Variants in TFCP2L1 observed in about 807,000 individuals in gnomAD.
TFCP2L1 encodes transcription factor CP2 like 1, also known as transcription factor CP2-like protein 1.
TFCP2L1 carries 12 observed loss-of-function variants against 72.2 expected under a neutral mutation model. That is an observed-to-expected ratio of 0.17 (90% CI 0.11 to 0.27). The LOEUF (loss-of-function observed/expected upper bound fraction) is 0.27. Among genes scored for constraint, TFCP2L1 ranks in the 10% least tolerant of loss-of-function variants. The probability of loss-of-function intolerance (pLI) is 1.00; values close to 1 mark genes in which losing one functional copy is unlikely to be tolerated. For missense variants in TFCP2L1, 488 were observed against 624.6 expected, an observed-to-expected ratio of 0.78 and a Z score of 2.33; for synonymous variants, 260 against 251.0, an observed-to-expected ratio of 1.04 and a Z score of -0.34.
intron 6 of TFCP2L1, among the ~76,000 whole-genome samples, chr2:121,246,482 G>A (rs1333090564): frequency 1.5e-5 from 2 of 129,306 alleles, no homozygotes; most frequent in East Asian, 2.1e-4. Context: ...ACTGTAATGT[G>A]CTTGGGAGAA....
At chr2:121,241,395 G>A (rs1277041353) in intron 7 of TFCP2L1, among the ~76,000 whole-genome samples, 2 of 152,188 alleles carry the variant, frequency 1.3e-5, no homozygotes, top group Non-Finnish European at 2.9e-5. Flanking sequence ...ACTGGGGGAG[G>A]CCGAGGCAGG....
Position 121,240,081 on chromosome 2 carries a change from G to GT in TFCP2L1, c.769-433dup, listed in dbSNP as rs1686336468. ...CAACTTCCAAACAAAAAAATAAGCA[G>GT]TAAGAGTCAGTATTAAAACCTGTGC... On this transcript the variant is annotated intron_variant, in intron 7 of 14. Coordinates refer to ENST00000263707, the MANE Select transcript of TFCP2L1 (RefSeq NM_014553.3). 5.6e-5 allele frequency: 55 copies of GT among 985,328 alleles called. 1 individual carries two copies. The highest frequency in any genetic ancestry group is 6.6e-5 in the Non-Finnish European group (55 of 829,928). 61.0% of individuals were successfully genotyped at this position (985,328 alleles called of 1,614,324 possible). A position where few individuals can be genotyped will look rare whatever the true frequency, so the allele number is the denominator to read the frequency against.
rs561572955 is a variant in TFCP2L1, at chr2:121,269,031, T to A, written c.214+12089A>T. ...AAGATTAGGGAAAGGCTTTTTTTTT[T>A]ATTAAAAAAAAGATGGATATCAATA... On this transcript the variant is annotated intron_variant, in intron 2 of 14. Coordinates refer to ENST00000263707, the MANE Select transcript of TFCP2L1 (RefSeq NM_014553.3). 6.0e-3 allele frequency among the ~76,000 whole-genome samples: 918 copies of A among 151,760 alleles called. 9 individuals are homozygous for A. Among genetic ancestry groups the A allele is most frequent in the African/African-American group, 0.021 (863 of 41,348 alleles).
chr2:121,225,625 AAG>A lies in TFCP2L1; in HGVS notation c.1342-14_1342-13del. 1 of 1,613,942 alleles carries A rather than the reference AAG, an allele frequency of 6.2e-7. No individual in the cohort carries two copies. The highest frequency in any genetic ancestry group is 1.1e-5 in the South Asian group (1 of 91,074). ...AAGTTCTGCACCATCTGAGAGACAA[AAG>A]AGAGAACATGTTCCTTCAACCACGA... On this transcript the variant is annotated splice_polypyrimidine_tract_variant and intron_variant, in intron 13 of 14. Coordinates refer to ENST00000263707, the MANE Select transcript of TFCP2L1 (RefSeq NM_014553.3).
chr2:121,239,282 C>T (rs956751372), intron 8 of TFCP2L1, among the ~76,000 whole-genome samples: 1 of 152,196 alleles, frequency 6.6e-6, no homozygotes, highest in African/African-American at 2.4e-5. Flanking sequence ...CCAGAGGGCA[C>T]CAGAGGCTGT....
chr2:121,283,927 T>A (rs1687313294), intron 1 of TFCP2L1, among the ~76,000 whole-genome samples: 1 of 152,216 alleles, frequency 6.6e-6, no homozygotes, highest in Non-Finnish European at 1.5e-5. Flanking sequence ...CCTTTAAGGC[T>A]CTAGACCTTT....
intron 5 of TFCP2L1, among the ~76,000 whole-genome samples, chr2:121,247,337 C>CT (rs1472139578): frequency 6.6e-6 from 1 of 152,114 alleles, no homozygotes; most frequent in Non-Finnish European, 1.5e-5. Flanking sequence ...GCCCTAACCC[C>CT]TCTCTAATGT....
intron 1 of TFCP2L1, among the ~76,000 whole-genome samples, chr2:121,282,105 G>C (rs531138922): frequency 6.6e-6 from 1 of 151,912 alleles, no homozygotes; most frequent in Non-Finnish European, 1.5e-5. Flanking sequence ...GCTAATTTTT[G>C]TATTTTTAGT....
intron 2 of TFCP2L1, among the ~76,000 whole-genome samples, chr2:121,252,980 C>A (rs1485968866): frequency 6.6e-6 from 1 of 152,194 alleles, no homozygotes; most frequent in African/African-American, 2.4e-5. Flanking sequence ...GGCAACACAG[C>A]GAGCTGCTGT....
In TFCP2L1 at chr2:121,239,564, C is replaced by G; in HGVS notation, c.854G>C (p.Gly285Ala). The change falls in exon 8 of 15, where the codon GGC (glycine) becomes GCC (alanine). Residue 285 changes from glycine (G) to alanine (A), a missense_variant. Around this residue, in one of 3 missense-constraint regions of TFCP2L1, gnomAD observed 286 missense variants for 329.0 expected, o/e 0.87. Coordinates refer to ENST00000263707, the MANE Select transcript of TFCP2L1 (RefSeq NM_014553.3). Reference protein sequence around the residue: ...YNGSPNSFGLGEGNASPTHPV... With the variant: ...YNGSPNSFGLAEGNASPTHPV... ...AAAGAGAGGTGGGACGTACCCTTCG[C>G]CGAGGCCAAAGCTGTTTGGAGAACC... 6.2e-7 allele frequency: 1 copy of G among 1,614,184 alleles called. No individual in the cohort carries two copies. The highest frequency in any genetic ancestry group is 8.5e-7 in the Non-Finnish European group (1 of 1,180,024).
At chr2:121,278,423 C>G (rs960832180) in intron 2 of TFCP2L1, among the ~76,000 whole-genome samples, 1 of 150,934 alleles carries the variant, frequency 6.6e-6, no homozygotes, top group Non-Finnish European at 1.5e-5. Flanking sequence ...CAGTGGCTCA[C>G]GCCTGTAATC....
intron 1 of TFCP2L1, 102 bp from the exon 2 acceptor site, chr2:121,281,373 GGTGACACGGCACGCGCATC>G (rs1687257847): frequency 7.4e-7 from 1 of 1,353,294 alleles, no homozygotes; most frequent in Non-Finnish European, 1.0e-6. Context: ...CGGGGCCCAG[GGTGACACGGCACGCGCATC>G]GCAGGGTGCT....
rs771211955 is a variant in TFCP2L1 at position 121,248,135 on chromosome 2, C to T, written c.504+29G>A. The T allele has an allele frequency of 2.5e-6, 4 of 1,603,882 alleles. No individual in the cohort carries two copies. In the Admixed American group the frequency reaches 5.0e-5, roughly 20 times the overall value. On this transcript the variant is annotated intron_variant, in intron 5 of 14. Transcript: ENST00000263707. ...AGGCCACCCCAAAGACTAGGTCTTC[C>T]CCTGGAGGGCAAGCTCCCTGTGGCC... is the stretch of plus-strand genomic sequence containing the variant.
intron 13 of TFCP2L1, among the ~76,000 whole-genome samples, chr2:121,231,146 T>C (rs1686135430): frequency 6.6e-6 from 1 of 152,164 alleles, no homozygotes; most frequent in Non-Finnish European, 1.5e-5. Context: ...GCAGACAGGA[T>C]TAAATAAGTC....
In TFCP2L1 at chr2:121,265,589, T is replaced by C. The variant is rs115432129; in HGVS notation, c.214+15531A>G. Among the ~76,000 whole-genome samples, 1,399 of 151,978 alleles carry C rather than the reference T, an allele frequency of 9.2e-3. 17 individuals carry two copies. The highest frequency in any genetic ancestry group is 0.032 in the African/African-American group (1,317 of 41,404). On this transcript the variant is annotated intron_variant, in intron 2 of 14. Transcript: ENST00000263707. ...ACCTCCACCTCCCAGGTTTGAGTGATTCTCCTGCTGCAGCTTCCCAAGTAT... is the reference window on the plus strand; with the variant it reads ...ACCTCCACCTCCCAGGTTTGAGTGACTCTCCTGCTGCAGCTTCCCAAGTAT...
At chr2:121,284,085 C>T (rs776146770) in intron 1 of TFCP2L1, among the ~76,000 whole-genome samples, 61 of 152,214 alleles carry the variant, frequency 4.0e-4, no homozygotes, top group Non-Finnish European at 6.8e-4. Flanking sequence ...GTTTTAAGAT[C>T]TAAGTGGGAA....
intron 2 of TFCP2L1, among the ~76,000 whole-genome samples, chr2:121,269,918 A>AAAATAT: frequency 4.3e-5 from 5 of 115,178 alleles, no homozygotes; most frequent in African/African-American, 1.9e-4. Flanking sequence ...AAAAAAAAAA[A>AAAATAT]ATATATATAT....
intron 2 of TFCP2L1, among the ~76,000 whole-genome samples, chr2:121,251,068 T>C (rs1686602034): frequency 6.6e-6 from 1 of 151,998 alleles, no homozygotes; most frequent in South Asian, 2.1e-4. Flanking sequence ...GAGACCAGCC[T>C]GACCAGTATA....
chr2:121,243,634 A>G (rs1686423960), intron 6 of TFCP2L1, among the ~76,000 whole-genome samples: 1 of 152,014 alleles, frequency 6.6e-6, no homozygotes. Context: ...TCCTCATAAG[A>G]GGGCAAAACC....
Sources: gnomAD v4.1 joint callset for allele counts (sites outside exome capture counted in the v4.1 genomes callset) on GRCh38, gnomAD v4.1.1 for gene constraint, gnomAD v4.1.1 regional missense constraint, MANE v1.5 for transcripts, NCBI Gene and HGNC (gene_info 2026-07-23, HGNC 2026-07-21) for gene names.